The following DPYD variants were observed in gnomAD, a reference collection of about 807,000 sequenced individuals.
The protein encoded by DPYD is dihydropyrimidine dehydrogenase.
DPYD carries 109 observed loss-of-function variants against 116.2 expected under a neutral mutation model. That is an observed-to-expected ratio of 0.94 (90% CI 0.80 to 1.10). DPYD has a LOEUF of 1.10. Ranked by LOEUF, DPYD falls within the 50% of genes least tolerant of loss-of-function variation. The probability of loss-of-function intolerance (pLI) is 0.00; values close to 1 mark genes in which losing one functional copy is unlikely to be tolerated. For missense variants in DPYD, 1,302 were observed against 1,254.5 expected (o/e 1.04, Z -0.57); for synonymous variants, 440 against 432.0 (o/e 1.02, Z -0.23).
intron 16 of DPYD, among the ~76,000 whole-genome samples, chr1:97,309,481 G>T (rs773445574): frequency 6.6e-6 from 1 of 151,754 alleles, no homozygotes; most frequent in Non-Finnish European, 1.5e-5. Flanking sequence ...TAAGCAGAAA[G>T]ACACTTGAAG....
intron 22 of DPYD, among the ~76,000 whole-genome samples, chr1:97,079,404 T>A (rs1430290851): frequency 3.3e-5 from 5 of 152,146 alleles, no homozygotes; most frequent in African/African-American, 1.2e-4. Context: ...GGAAAATATG[T>A]CATAACATAG....
intron 18 of DPYD, among the ~76,000 whole-genome samples, chr1:97,286,252 C>A (rs201635972): frequency 0.11 from 16,152 of 152,156 alleles, 1,512 homozygotes; most frequent in African/African-American, 0.26. Context: ...TTGGCCCCCA[C>A]TCTCTTCTGG....
chr1:97,385,085 T>G (rs1672248221), intron 14 of DPYD, among the ~76,000 whole-genome samples: 1 of 151,806 alleles, frequency 6.6e-6, no homozygotes. Context: ...CAAGCTTCAT[T>G]TGCAAGTATA....
chr1:97,603,024 TCTC>T (rs934731614), intron 8 of DPYD, among the ~76,000 whole-genome samples: 2 of 151,986 alleles, frequency 1.3e-5, no homozygotes, highest in Non-Finnish European at 2.9e-5. Context: ...CCTTTTCTCT[TCTC>T]CTTTTCTTTA....
chr1:97,253,247 A>G (rs1446123816), intron 18 of DPYD, among the ~76,000 whole-genome samples: 1 of 152,218 alleles, frequency 6.6e-6, no homozygotes, highest in Non-Finnish European at 1.5e-5. Context: ...TCAGAAGTGA[A>G]ATAATTTAGA....
intron 10 of DPYD, among the ~76,000 whole-genome samples, chr1:97,588,881 C>G (rs1000461882): frequency 2.0e-5 from 3 of 152,110 alleles, no homozygotes; most frequent in Admixed American, 6.5e-5. Context: ...GCTTTCTTAG[C>G]CAAGATGGAA....
intron 8 of DPYD, among the ~76,000 whole-genome samples, chr1:97,673,699 T>C (rs1411465497): frequency 1.3e-5 from 2 of 151,902 alleles, no homozygotes; most frequent in African/African-American, 4.8e-5. Context: ...AGTCTGAACA[T>C]AGAGAGCAGG....
intron 5 of DPYD, chr1:97,720,114 A>G: frequency 3.0e-6 from 3 of 984,940 alleles, no homozygotes; most frequent in Non-Finnish European, 3.6e-6. Flanking sequence ...GAGAGTTTCC[A>G]GAGGAATAAT....
intron 20 of DPYD, among the ~76,000 whole-genome samples, chr1:97,141,887 C>T (rs1015729876): frequency 6.6e-6 from 1 of 152,118 alleles, no homozygotes; most frequent in African/African-American, 2.4e-5. Context: ...GGAGGAGTTA[C>T]TGACTCCTTT....
intron 3 of DPYD, among the ~76,000 whole-genome samples, chr1:97,813,446 T>G (rs1668426909): frequency 6.6e-6 from 1 of 152,098 alleles, no homozygotes; most frequent in African/African-American, 2.4e-5. Flanking sequence ...TTAACCTTAT[T>G]GTAAATCATT....
chr1:97,849,806 A>G lies in DPYD; in HGVS notation c.151-21610T>C, dbSNP rs146328378. On this transcript the variant is annotated intron_variant, in intron 2 of 22. Coordinates refer to ENST00000370192, the MANE Select transcript of DPYD (RefSeq NM_000110.4). The stretch of plus-strand genomic sequence containing the variant: ...AATTTACAAATTTTATTTCTACAAA[A>G]TTACAGGAAACAATACTGGCCAATA... Among the ~76,000 whole-genome samples, 444 of 152,322 alleles carry G rather than the reference A, an allele frequency of 2.9e-3. 2 individuals carry two copies. Among genetic ancestry groups the G allele is most frequent in the African/African-American group, 0.01 (423 of 41,568 alleles).
intron 13 of DPYD, among the ~76,000 whole-genome samples, chr1:97,480,519 C>A (rs1678238298): frequency 6.6e-6 from 1 of 152,054 alleles, no homozygotes; most frequent in Non-Finnish European, 1.5e-5. Flanking sequence ...CATGAATTTA[C>A]AAATCTAAAC....
rs533180997 is a variant in DPYD at position 97,249,351 on chromosome 1, G to A, written c.2300-14357C>T. 2.0e-5 allele frequency among the ~76,000 whole-genome samples: 3 copies of A among 152,132 alleles called. No homozygotes were observed. The South Asian group carries it at 6.2e-4, about 32-fold the overall frequency. ...GGGAAAAAAGCCATTCTAACAAATG[G>A]TGTGAGAAAAGCAGGATATTTTTAA... On this transcript the variant is annotated intron_variant, in intron 18 of 22. Coordinates refer to ENST00000370192, the MANE Select transcript of DPYD (RefSeq NM_000110.4).
chr1:97,684,820 C>T (rs573042118), intron 7 of DPYD, among the ~76,000 whole-genome samples: 1 of 152,016 alleles, frequency 6.6e-6, no homozygotes, highest in Admixed American at 6.6e-5. Flanking sequence ...CTGAATAGAC[C>T]AATAACAAGT....
chr1:97,525,978 A>AGT (rs71071658), intron 12 of DPYD, among the ~76,000 whole-genome samples: 4,981 of 138,168 alleles, frequency 0.036, 226 homozygotes, highest in African/African-American at 0.11. Flanking sequence ...GGTAATTAAG[A>AGT]GTGTGTGTGT....
At chr1:97,131,083 A>C (rs1330030983) in intron 20 of DPYD, among the ~76,000 whole-genome samples, 1 of 152,110 alleles carries the variant, frequency 6.6e-6, no homozygotes, top group Non-Finnish European at 1.5e-5. Flanking sequence ...CACTTTACAC[A>C]TAGAAGATGC....
chr1:97,527,323 T>C (rs2786513), intron 12 of DPYD, among the ~76,000 whole-genome samples: 71,773 of 151,908 alleles, frequency 0.47, 17,219 homozygotes, highest in East Asian at 0.73. Context: ...GTGATCTGCC[T>C]GCCTTGGCCT....
chr1:97,751,516 G>A lies in DPYD; in HGVS notation c.234-11037C>T, dbSNP rs182000810. ...TATATGGCAGGGGACAGTGGCTCAC[G>A]CCTGTAACCTCAATGCTTTGGGAGA... On this transcript the variant is annotated intron_variant, in intron 3 of 22. Coordinates refer to ENST00000370192, the MANE Select transcript of DPYD (RefSeq NM_000110.4). Among the ~76,000 whole-genome samples, 24 of 116,206 alleles carry A rather than the reference G, an allele frequency of 2.1e-4. No homozygotes were observed. In the East Asian group the frequency reaches 4.1e-3, roughly 20 times the overall value. 76.2% of individuals were successfully genotyped at this position (116,206 alleles called of 152,430 possible).
intron 2 of DPYD, among the ~76,000 whole-genome samples, chr1:97,869,390 A>T (rs1435646493): frequency 6.6e-6 from 1 of 151,888 alleles, no homozygotes; most frequent in East Asian, 1.9e-4. Context: ...AATAAGAAAT[A>T]TAATAAACAA....
Sources: gnomAD v4.1 joint callset for allele counts (sites outside exome capture counted in the v4.1 genomes callset) on GRCh38, gnomAD v4.1.1 for gene constraint, MANE v1.5 for transcripts, NCBI Gene and HGNC (gene_info 2026-07-23, HGNC 2026-07-21) for gene names.